PTPRJ: variants seen among roughly 807,000 people sequenced by gnomAD.
PTPRJ encodes protein tyrosine phosphatase receptor type J, also known as receptor-type tyrosine-protein phosphatase eta.
Under a neutral mutation model 141.3 loss-of-function variants are expected in PTPRJ, and 129 were observed. That is an observed-to-expected ratio of 0.91 (90% confidence interval 0.79 to 1.06). PTPRJ has a LOEUF of 1.06. PTPRJ is among the 50% of genes least tolerant of loss of function. The pLI is 0.00. For synonymous variants in PTPRJ, 610 were observed against 640.5 expected (o/e 0.95, Z 0.72); for missense variants, 1,601 against 1,679.7 (o/e 0.95, Z 0.82).
chr11:48,143,171 T>C (rs1244196667), intron 12 of PTPRJ, 121 bp downstream of exon 12: 1 of 1,273,356 alleles, frequency 7.9e-7, no homozygotes, highest in Admixed American at 2.4e-5. Context: ...CTGCAGCCTA[T>C]GCTGTGTACT....
intron 8 of PTPRJ, chr11:48,132,615 C>A: frequency 1.1e-6 from 1 of 923,292 alleles, no homozygotes; most frequent in Non-Finnish European, 1.3e-6. Flanking sequence ...ATGGGTGCAG[C>A]ACACCAACAT....
chr11:48,023,836 A>C (rs1216449159), intron 1 of PTPRJ, among the ~76,000 whole-genome samples: 1 of 151,842 alleles, frequency 6.6e-6, no homozygotes, highest in Non-Finnish European at 1.5e-5. Flanking sequence ...ATTGGAATTT[A>C]ATATCTCTTA....
At chr11:48,101,786 T>C (rs1413611891) in intron 1 of PTPRJ, among the ~76,000 whole-genome samples, 1 of 152,126 alleles carries the variant, frequency 6.6e-6, no homozygotes, top group African/African-American at 2.4e-5. Context: ...ACTGGTAGGA[T>C]TAATGGAGTG....
rs1856252385 is a variant in PTPRJ, at chr11:48,105,076, TATA to T, written c.97-4977_97-4975del. Among the ~76,000 whole-genome samples the T allele has an allele frequency of 2.0e-5, 3 of 152,240 alleles. No homozygotes were observed. In the South Asian group the frequency reaches 6.2e-4, roughly 32 times the overall value. Reference sequence around the variant, plus strand: ...CGGTAGCAAAGGGTTTAGTTAATATTATAATAAGTAGAATGGAACAGCATTAGA... The same window carrying T: ...CGGTAGCAAAGGGTTTAGTTAATATTATAAGTAGAATGGAACAGCATTAGA... On this transcript the variant is annotated intron_variant, in intron 1 of 24. Transcript: ENST00000418331.
At chr11:48,122,462 C>T (rs888436481) in intron 4 of PTPRJ, among the ~76,000 whole-genome samples, 17 of 152,172 alleles carry the variant, frequency 1.1e-4, no homozygotes, top group Non-Finnish European at 1.9e-4. Context: ...GTATTGAGCA[C>T]GGCACATGTG....
At chr11:48,110,768 C>T (rs1856417586) in intron 2 of PTPRJ, among the ~76,000 whole-genome samples, 1 of 152,166 alleles carries the variant, frequency 6.6e-6, no homozygotes, top group Non-Finnish European at 1.5e-5. Context: ...TCGTCATAAC[C>T]TTTGGAAAAT....
intron 1 of PTPRJ, among the ~76,000 whole-genome samples, chr11:48,062,384 G>T (rs1854962802): frequency 6.6e-6 from 1 of 151,754 alleles, no homozygotes; most frequent in Non-Finnish European, 1.5e-5. Flanking sequence ...GTAGTGGCGG[G>T]CGCCTGTAGT....
At chr11:48,143,139 C>A in intron 12 of PTPRJ, 89 bp downstream of exon 12, 1 of 1,485,790 alleles carries the variant, frequency 6.7e-7, no homozygotes, top group Non-Finnish European at 9.2e-7. Context: ...GTGAGTAATG[C>A]AGACACACGC....
intron 1 of PTPRJ, among the ~76,000 whole-genome samples, chr11:48,064,748 C>T (rs952663912): frequency 5.9e-5 from 9 of 151,824 alleles, no homozygotes; most frequent in African/African-American, 1.9e-4. Context: ...GGATTACAGG[C>T]GCCCACCACG....
At chr11:48,105,695 C>T (rs548142305) in intron 1 of PTPRJ, among the ~76,000 whole-genome samples, 5 of 152,262 alleles carry the variant, frequency 3.3e-5, no homozygotes, top group East Asian at 1.9e-4. Flanking sequence ...GTCAGGCTGA[C>T]GGGCTTTCAG....
intron 1 of PTPRJ, among the ~76,000 whole-genome samples, chr11:48,065,004 CTTTTTTTTTTTTT>C (rs61139660): frequency 2.6e-5 from 3 of 117,208 alleles, no homozygotes; most frequent in East Asian, 2.2e-4. Context: ...CCTCAACTAC[CTTTTTTTTTTTTT>C]TTTTTTTTTT....
At chr11:48,100,405 T>C (rs991657704) in intron 1 of PTPRJ, among the ~76,000 whole-genome samples, 11 of 152,222 alleles carry the variant, frequency 7.2e-5, no homozygotes, top group Non-Finnish European at 7.3e-5. Flanking sequence ...ATAGCTACTA[T>C]TTATTGTGTG....
At chr11:48,042,161 C>T (rs555414493) in intron 1 of PTPRJ, among the ~76,000 whole-genome samples, 1 of 152,284 alleles carries the variant, frequency 6.6e-6, no homozygotes, top group South Asian at 2.1e-4. Flanking sequence ...GTGAAGGACA[C>T]AGGACTGCTG....
At chr11:48,100,478 T>C (rs963754753) in intron 1 of PTPRJ, among the ~76,000 whole-genome samples, 11 of 152,340 alleles carry the variant, frequency 7.2e-5, no homozygotes, top group African/African-American at 2.4e-4. Flanking sequence ...AACAGTCTTA[T>C]GAGGTAAATA....
At position 48,134,659 on chromosome 11, in the gene PTPRJ, C is replaced by T. The variant is rs933236215; in HGVS notation, c.1616-1380C>T. Among the ~76,000 whole-genome samples the T allele has an allele frequency of 2.6e-5, 4 of 152,316 alleles. No homozygotes were observed. The South Asian group carries it at 8.3e-4, about 32-fold the overall frequency. The stretch of plus-strand genomic sequence containing the variant: ...TTTGTCCCCTACCTGCCCATTTCCT[C>T]TCCCTGGAGGTGACGTTTGTTGCCA... On this transcript the variant is annotated intron_variant, in intron 8 of 24. Coordinates refer to ENST00000418331, the MANE Select transcript of PTPRJ (RefSeq NM_002843.4).
chr11:48,126,500 C>T (rs1333427092), intron 6 of PTPRJ, among the ~76,000 whole-genome samples: 1 of 152,054 alleles, frequency 6.6e-6, no homozygotes, highest in African/African-American at 2.4e-5. Context: ...GTTCTGGAGG[C>T]TGGAAGTCTG....
chr11:48,150,025 T>C, intron 17 of PTPRJ, 27 bp downstream of exon 17: 2 of 1,511,748 alleles, frequency 1.3e-6, no homozygotes, highest in Non-Finnish European at 1.8e-6. Flanking sequence ...TTTTTTTTAA[T>C]AACTTGTACT....
chr11:47,982,718 AGCC>A (rs1477221000), intron 1 of PTPRJ, among the ~76,000 whole-genome samples: 1 of 151,646 alleles, frequency 6.6e-6, no homozygotes, highest in Non-Finnish European at 1.5e-5. Context: ...TTTTTGCTCC[AGCC>A]ATAGTGGTTG....
intron 3 of PTPRJ, 32 bp from the exon 4 acceptor site, chr11:48,120,971 C>G: frequency 1.4e-6 from 2 of 1,412,448 alleles, no homozygotes; most frequent in African/African-American, 3.1e-5. Flanking sequence ...TTTTGAAGTG[C>G]AATAATTTTT....
Sources: gnomAD v4.1 joint callset for allele counts (sites outside exome capture counted in the v4.1 genomes callset) on GRCh38, gnomAD v4.1.1 for gene constraint, MANE v1.5 for transcripts, NCBI Gene and HGNC (gene_info 2026-07-23, HGNC 2026-07-21) for gene names.